Variants in SLC51A observed in about 807,000 individuals in gnomAD.
SLC51A encodes the protein organic solute transporter subunit alpha.
In SLC51A, 22 loss-of-function variants were observed where a neutral mutation model predicts 34.8. The ratio of observed to expected loss-of-function variants is 0.63; its 90% CI spans 0.45 to 0.90. SLC51A has a LOEUF of 0.90. SLC51A is among the 40% of genes least tolerant of loss of function. The pLI is 0.00. For synonymous variants in SLC51A, 181 were observed against 176.3 expected (o/e 1.03, Z -0.21); for missense variants, 371 against 414.8 (o/e 0.89, Z 0.92).
intron 2 of SLC51A, among the ~76,000 whole-genome samples, chr3:196,223,379 G>A (rs1265999146): frequency 6.6e-6 from 1 of 151,892 alleles, no homozygotes; most frequent in East Asian, 1.9e-4. Flanking sequence ...GTGGAGAGCC[G>A]AGAATAAGCG....
Position 196,224,469 on chromosome 3 carries a change from C to T in SLC51A, c.134-2496C>T, listed in dbSNP as rs367976475. On this transcript the variant is annotated intron_variant, in intron 2 of 8. Transcript: ENST00000296327. Reference sequence around the variant, plus strand: ...CAGCACTTTGGGAGGCCGAGGTGGGCGGGTCAGTTGAGGTCAGTTCAAGAC... The same window carrying T: ...CAGCACTTTGGGAGGCCGAGGTGGGTGGGTCAGTTGAGGTCAGTTCAAGAC... Among the ~76,000 whole-genome samples the T allele has an allele frequency of 2.1e-3, 316 of 150,782 alleles. 4 individuals are homozygous for T. In the South Asian group the frequency reaches 0.047, roughly 22 times the overall value.
chr3:196,218,849 T>TAA (rs34144545), intron 2 of SLC51A, among the ~76,000 whole-genome samples: 3,041 of 146,912 alleles, frequency 0.021, 100 homozygotes, highest in African/African-American at 0.07. Context: ...AAACAGTAAT[T>TAA]AAAAAAAAAA....
chr3:196,220,582 A>C (rs1176366602), intron 2 of SLC51A, among the ~76,000 whole-genome samples: 1 of 152,110 alleles, frequency 6.6e-6, no homozygotes, highest in East Asian at 1.9e-4. Flanking sequence ...GGGTGACAGA[A>C]CAAGACTCCG....
chr3:196,227,786 C>T (rs1163339857), intron 4 of SLC51A, 49 bp downstream of exon 4: 2 of 1,533,268 alleles, frequency 1.3e-6, no homozygotes, highest in African/African-American at 2.7e-5. Flanking sequence ...TGCTCCCGCT[C>T]ACCAGGACTC....
At chr3:196,227,373 C>T in intron 3 of SLC51A, 1 of 593,014 alleles carries the variant, frequency 1.7e-6, no homozygotes, top group Non-Finnish European at 3.0e-6. Context: ...TCCTTGCTCC[C>T]CGCTACAGTG....
At chr3:196,223,941 C>G (rs185456040) in intron 2 of SLC51A, 1 of 376,880 alleles carries the variant, frequency 2.7e-6, no homozygotes, top group East Asian at 9.2e-5. Flanking sequence ...CTCAATGCAA[C>G]CTCCACCTCC....
At chr3:196,217,617 G>T (rs1723625657) in intron 1 of SLC51A, among the ~76,000 whole-genome samples, 1 of 149,468 alleles carries the variant, frequency 6.7e-6, no homozygotes, top group Non-Finnish European at 1.5e-5. Context: ...GAAAGAGAAA[G>T]AGAGAGCAGA....
chr3:196,224,734 G>A (rs1430928670), intron 2 of SLC51A, among the ~76,000 whole-genome samples: 1 of 96,982 alleles, frequency 1.0e-5, no homozygotes, highest in Non-Finnish European at 2.1e-5. Context: ...GAGAGGGGAG[G>A]AGAGGGGAGA....
In SLC51A at chr3:196,229,780, G is replaced by A. The variant is rs186405538; in HGVS notation, c.634-135G>A. 43 of 996,748 alleles carry A rather than the reference G, an allele frequency of 4.3e-5. No individual in the cohort carries two copies. The Admixed American group carries it at 8.8e-4, about 20-fold the overall frequency. The allele number at this position is 996,748 out of a possible 1,614,324, so 61.7% of individuals were successfully genotyped here. On this transcript the variant is annotated intron_variant, in intron 6 of 8. Coordinates refer to ENST00000296327, the MANE Select transcript of SLC51A (RefSeq NM_152672.6). ...GAGGCGAGGGGATCACTGGAGCCAG[G>A]AGTGTGATGCTGCAGTGAGCTATCA...
rs1723956529 is a variant in SLC51A, at chr3:196,228,724, G to A, written c.522-85G>A. On this transcript the variant is annotated intron_variant, in intron 5 of 8. Coordinates refer to ENST00000296327, the MANE Select transcript of SLC51A (RefSeq NM_152672.6). The surrounding 1 kb of genome is among the most constrained non-coding windows in gnomAD (Gnocchi z 4.9). ...TGTTTATGACAGCAGCCGAGCCTCAGCCCAGGAGCCCTGTGAGGAGCCGGG... is the reference window on the plus strand; with the variant it reads ...TGTTTATGACAGCAGCCGAGCCTCAACCCAGGAGCCCTGTGAGGAGCCGGG... 4.8e-5 allele frequency: 55 copies of A among 1,145,524 alleles called. 1 individual carries two copies. The South Asian group carries it at 6.8e-4, about 14-fold the overall frequency. The allele number at this position is 1,145,524 out of a possible 1,614,324, so 71.0% of individuals were successfully genotyped here. A position where few individuals can be genotyped will look rare whatever the true frequency, so the allele number is the denominator to read the frequency against.
Position 196,228,424 on chromosome 3 carries a change from C to G in SLC51A, c.521+151C>G, listed in dbSNP as rs545664265. On this transcript the variant is annotated intron_variant, in intron 5 of 8. Transcript: ENST00000296327. The surrounding 1 kb of genome is among the most constrained non-coding windows in gnomAD (Gnocchi z 4.9). ...ACGGCCAGGACCCACGGGCGCCACCCTCAGGGGACAGGGGAGCAGAGGAAG... is the reference window on the plus strand; with the variant it reads ...ACGGCCAGGACCCACGGGCGCCACCGTCAGGGGACAGGGGAGCAGAGGAAG... 56 of 986,586 alleles carry G rather than the reference C, an allele frequency of 5.7e-5. No individual in the cohort carries two copies. In the African/African-American group the frequency reaches 7.5e-4, roughly 13 times the overall value. The allele number at this position is 986,586 out of a possible 1,614,324, so 61.1% of individuals were successfully genotyped here.
Position 196,228,228 on chromosome 3 carries a change from CCTGCTG to C in SLC51A, c.487_492del (p.Cys163_Cys164del), listed in dbSNP as rs142849558. On this transcript the variant is annotated inframe_deletion, in exon 5 of 9. Transcript: ENST00000296327. The surrounding 1 kb of genome is among the most constrained non-coding windows in gnomAD (Gnocchi z 4.9). ...ACCCCGATGATGGTCCACACAGGCC[CCTGCTG>C]CTGCTGCTGCCCCTGCTGTCCACGG... The C allele has an allele frequency of 1.2e-6, 2 of 1,612,928 alleles. No individual in the cohort carries two copies. Among genetic ancestry groups the C allele is most frequent in the Non-Finnish European group, 1.7e-6 (2 of 1,179,532 alleles).
chr3:196,217,193 T>C (rs1327952661), intron 1 of SLC51A, among the ~76,000 whole-genome samples: 2 of 152,142 alleles, frequency 1.3e-5, no homozygotes, highest in East Asian at 3.9e-4. Context: ...CAGCTTGTCT[T>C]ACTCCCCCAC....
At chr3:196,221,920 G>A (rs1392571353) in intron 2 of SLC51A, among the ~76,000 whole-genome samples, 5 of 151,802 alleles carry the variant, frequency 3.3e-5, no homozygotes, top group East Asian at 2.0e-4. Flanking sequence ...GGGTTTCACC[G>A]TGTTAGTCAG....
intron 2 of SLC51A, among the ~76,000 whole-genome samples, chr3:196,220,191 C>T (rs1478324237): frequency 1.3e-5 from 2 of 152,204 alleles, no homozygotes; most frequent in Admixed American, 1.3e-4. Flanking sequence ...TGCTTTATCC[C>T]GCAGCGAGAA....
rs766183976 is a variant in SLC51A, at chr3:196,216,729, C to T, written c.17C>T (p.Thr6Ile). MEPGR[T>I]QIKLDPRYTA... ...AACGCGGCGATGGAGCCGGGCAGGA[C>T]CCAGATAAAGCTTGACCCCAGGTAA... The change falls in exon 1 of 9, where the codon ACC (threonine) becomes ATC (isoleucine). Residue 6 changes from threonine to isoleucine, a missense_variant. Physicochemically the swap from Thr to Ile is moderately conservative, Grantham distance 89. Coordinates refer to ENST00000296327, the MANE Select transcript of SLC51A (RefSeq NM_152672.6). The surrounding 1 kb of genome is among the most constrained non-coding windows in gnomAD (Gnocchi z 4.5). The T allele has an allele frequency of 8.7e-5, 138 of 1,577,402 alleles. No homozygotes were observed. The highest frequency in any genetic ancestry group is 1.1e-4 in the Non-Finnish European group (130 of 1,161,348).
At position 196,216,836 on chromosome 3, in the gene SLC51A, C is replaced by G. The variant is rs895931631; in HGVS notation, c.38+86C>G. ...CCTGTCCTCTCTCCCTCCCAGAGCC[C>G]TTTGGCGGCCGCACTCAGAATGAGA... On this transcript the variant is annotated intron_variant, in intron 1 of 8. Coordinates refer to ENST00000296327, the MANE Select transcript of SLC51A (RefSeq NM_152672.6). The surrounding 1 kb of genome is among the most constrained non-coding windows in gnomAD (Gnocchi z 4.5). 3.1e-5 allele frequency: 42 copies of G among 1,350,554 alleles called. 1 individual carries two copies. The highest frequency in any genetic ancestry group is 4.3e-5 in the Non-Finnish European group (42 of 987,618). The allele number at this position is 1,350,554 out of a possible 1,614,324, so 83.7% of individuals were successfully genotyped here.
chr3:196,220,895 T>TC (rs1723739453), intron 2 of SLC51A, among the ~76,000 whole-genome samples: 1 of 149,612 alleles, frequency 6.7e-6, no homozygotes, highest in Admixed American at 6.7e-5. Flanking sequence ...TTTTTCTTTT[T>TC]TTTTTTTTTT....
chr3:196,219,728 G>A (rs1204963289), intron 2 of SLC51A, among the ~76,000 whole-genome samples: 1 of 152,200 alleles, frequency 6.6e-6, no homozygotes. Context: ...GAGACTTCCG[G>A]TTGCCACACT....
Sources: gnomAD v4.1 joint callset for allele counts (sites outside exome capture counted in the v4.1 genomes callset) on GRCh38, gnomAD v4.1.1 for gene constraint, Gnocchi (gnomAD v3.1) non-coding constraint, MANE v1.5 for transcripts, NCBI Gene and HGNC (gene_info 2026-07-23, HGNC 2026-07-21) for gene names.